The following CMSS1 variants were observed in gnomAD, a reference collection of about 807,000 sequenced individuals.
The protein encoded by CMSS1 is protein CMSS1.
CMSS1 carries 33 observed loss-of-function variants against 43.5 expected under a neutral mutation model. The ratio of observed to expected loss-of-function variants is 0.76; its 90% CI spans 0.57 to 1.01. The LOEUF is 1.01. CMSS1 is among the 50% of genes least tolerant of loss of function. CMSS1 has a pLI of 0.00. For missense variants in CMSS1, 313 were observed against 326.4 expected, an observed-to-expected ratio of 0.96 and a Z score of 0.32; for synonymous variants, 115 against 117.2, an observed-to-expected ratio of 0.98 and a Z score of 0.12.
chr3:99,898,424 T>C (rs1706328559), intron 1 of CMSS1: 1 of 152,202 alleles, frequency 6.6e-6, no homozygotes. Context: ...TGTTTTGTGG[T>C]GACAAATTTC....
intron 1 of CMSS1, chr3:99,850,032 C>G (rs1485206966): frequency 6.2e-7 from 1 of 1,609,338 alleles, no homozygotes; most frequent in Non-Finnish European, 8.5e-7. Context: ...CGGTTTTGGA[C>G]TTGAGCGCCC....
At chr3:99,850,475 T>C (rs934398420) in intron 1 of CMSS1, 2 of 1,613,932 alleles carry the variant, frequency 1.2e-6, no homozygotes, top group Non-Finnish European at 8.5e-7. Flanking sequence ...TCAAGCCTCT[T>C]ATTGAGATCT....
At chr3:99,818,464 T>C (rs1021591268) in intron 1 of CMSS1, among the ~76,000 whole-genome samples, 1 of 152,354 alleles carries the variant, frequency 6.6e-6, no homozygotes, top group East Asian at 1.9e-4. Context: ...TTAGCCTCCT[T>C]TTCCTCATCT....
At chr3:100,010,288 T>G (rs7619512) in intron 1 of CMSS1, 39 of 217,324 alleles carry the variant, frequency 1.8e-4, no homozygotes, top group Non-Finnish European at 2.7e-4. Context: ...GTGTTCTGCA[T>G]GGAAGGAAAA....
At chr3:99,835,817 A>G (rs984836057) in intron 1 of CMSS1, among the ~76,000 whole-genome samples, 5 of 152,234 alleles carry the variant, frequency 3.3e-5, no homozygotes, top group East Asian at 1.9e-4. Flanking sequence ...AACTCAGTGG[A>G]AAACTAAAAA....
Position 99,978,627 on chromosome 3 carries a change from G to T in CMSS1, c.64+160584G>T, listed in dbSNP as rs550692547. 2.2e-4 allele frequency among the ~76,000 whole-genome samples: 34 copies of T among 152,212 alleles called. No homozygotes were observed. The South Asian group carries it at 6.4e-3, about 29-fold the overall frequency. On this transcript the variant is annotated intron_variant, in intron 1 of 9. Transcript: ENST00000421999. Reference sequence around the variant, plus strand: ...TAGGGAGTAGAGGCTGGGCACCAGGGCTCTCCCCTGTAATCCCAGGACTTT... The same window carrying T: ...TAGGGAGTAGAGGCTGGGCACCAGGTCTCTCCCCTGTAATCCCAGGACTTT...
At chr3:100,054,020 A>G (rs1426762042) in intron 1 of CMSS1, among the ~76,000 whole-genome samples, 1 of 152,212 alleles carries the variant, frequency 6.6e-6, no homozygotes, top group Non-Finnish European at 1.5e-5. Flanking sequence ...AAAGTATGTA[A>G]TATTCTCCCC....
At position 100,179,737 on chromosome 3, in the gene CMSS1, G is replaced by T. The variant is rs189343347; in HGVS notation, c.*1349G>T. On this transcript the variant is annotated 3_prime_UTR_variant, in exon 10 of 10. Transcript: ENST00000421999. The stretch of plus-strand genomic sequence containing the variant: ...AAGCTGTCAGTGGATCTACCATTCT[G>T]GGGTCTGGAGGATGATGGCTCTCTT... 6.6e-6 allele frequency: 1 copy of T among 152,490 alleles called. No homozygotes were observed. 9.4% of individuals were successfully genotyped at this position (152,490 alleles called of 1,614,324 possible).
intron 1 of CMSS1, among the ~76,000 whole-genome samples, chr3:99,919,133 C>G: frequency 6.6e-6 from 1 of 151,870 alleles, no homozygotes; most frequent in Non-Finnish European, 1.5e-5. Flanking sequence ...GATTTAAGAC[C>G]AAAGAAACTG....
At chr3:100,158,686 T>C (rs1305922543) in intron 2 of CMSS1, among the ~76,000 whole-genome samples, 1 of 152,272 alleles carries the variant, frequency 6.6e-6, no homozygotes, top group Admixed American at 6.5e-5. Context: ...AGCAATATCA[T>C]GGCTAAAGCA....
intron 1 of CMSS1, among the ~76,000 whole-genome samples, chr3:99,886,390 T>G (rs1705898000): frequency 1.3e-5 from 2 of 151,744 alleles, no homozygotes; most frequent in African/African-American, 4.9e-5. Flanking sequence ...TAAAATACAC[T>G]TAACACTAAT....
intron 1 of CMSS1, among the ~76,000 whole-genome samples, chr3:99,917,709 G>A (rs1706995693): frequency 6.6e-6 from 1 of 152,154 alleles, no homozygotes; most frequent in African/African-American, 2.4e-5. Context: ...GTGCAAAGGT[G>A]ATATTAGGTT....
chr3:99,884,936 T>A (rs1021102), intron 1 of CMSS1, among the ~76,000 whole-genome samples: 40,345 of 152,104 alleles, frequency 0.27, 6,065 homozygotes, highest in Admixed American at 0.34. Flanking sequence ...TGACCACAAA[T>A]ATTATTTGCT....
chr3:99,875,347 T>C (rs1324472123), intron 1 of CMSS1, among the ~76,000 whole-genome samples: 1 of 152,318 alleles, frequency 6.6e-6, no homozygotes, highest in East Asian at 1.9e-4. Context: ...AAGTTTTACC[T>C]TTTAAATTGG....
At chr3:99,976,706 T>C (rs114437823) in intron 1 of CMSS1, among the ~76,000 whole-genome samples, 1,719 of 152,340 alleles carry the variant, frequency 0.011, 18 homozygotes, top group African/African-American at 0.025. Context: ...TTCAATATGA[T>C]AGGATTTTAT....
chr3:99,939,536 C>A (rs1466603933), intron 1 of CMSS1, among the ~76,000 whole-genome samples: 1 of 152,134 alleles, frequency 6.6e-6, no homozygotes, highest in Non-Finnish European at 1.5e-5. Context: ...TAAAGATATG[C>A]ATGGAATTGG....
chr3:99,848,364 G>T lies in CMSS1; in HGVS notation c.64+30321G>T. On this transcript the variant is annotated intron_variant, in intron 1 of 9. Coordinates refer to ENST00000421999, the MANE Select transcript of CMSS1 (RefSeq NM_032359.4). ...TAGTAATACTGCTGGTGACTTTATT[G>T]GTTGTTTTGTTTAGTGCCCCGTTAA... 3 of 1,614,140 alleles carry T rather than the reference G, an allele frequency of 1.9e-6. No individual in the cohort carries two copies. In the East Asian group the frequency reaches 6.7e-5, roughly 36 times the overall value.
chr3:100,071,434 G>A (rs886074685), intron 1 of CMSS1, among the ~76,000 whole-genome samples: 1 of 152,162 alleles, frequency 6.6e-6, no homozygotes, highest in African/African-American at 2.4e-5. Context: ...CTTCACCTGA[G>A]AAAGACAGTC....
chr3:100,167,337 G>A (rs1268151024), intron 5 of CMSS1, among the ~76,000 whole-genome samples: 1 of 152,152 alleles, frequency 6.6e-6, no homozygotes, highest in Non-Finnish European at 1.5e-5. Flanking sequence ...AATGTTTGCT[G>A]TTTTTAAATG....
Sources: allele counts gnomAD v4.1 joint callset (sites outside exome capture counted in the v4.1 genomes callset), GRCh38; gene constraint gnomAD v4.1.1; transcripts MANE v1.5; gene names NCBI Gene and HGNC (gene_info 2026-07-23, HGNC 2026-07-21).